The following TMEM108 variants were observed in gnomAD, a reference collection of about 807,000 sequenced individuals.
TMEM108 encodes cancer/testis antigen 124.
Under a neutral mutation model 35.1 loss-of-function variants are expected in TMEM108, and 12 were observed. The ratio of observed to expected loss-of-function variants is 0.34; its 90% CI spans 0.22 to 0.55. TMEM108 has a LOEUF of 0.55. TMEM108 is among the 20% of genes least tolerant of loss of function. TMEM108 has a pLI of 0.89. For synonymous variants in TMEM108, 287 were observed against 308.6 expected (o/e 0.93, Z 0.73); for missense variants, 680 against 753.3 (o/e 0.90, Z 1.14).
Position 133,252,363 on chromosome 3 carries a change from T to TCCAG in TMEM108, c.40+23013_40+23016dup, listed in dbSNP as rs527911079. Among the ~76,000 whole-genome samples, 1,174 of 152,270 alleles carry TCCAG rather than the reference T, an allele frequency of 7.7e-3. 9 individuals carry two copies. The highest frequency in any genetic ancestry group is 0.012 in the Non-Finnish European group (793 of 67,992). ...ATTCTAAGCTGTATAAATTGTGTCC[T>TCCAG]CCAGGTGTTGTGTGGCTAATATGTA... On this transcript the variant is annotated intron_variant, in intron 3 of 5. Coordinates refer to ENST00000321871, the MANE Select transcript of TMEM108 (RefSeq NM_023943.4).
chr3:133,353,225 A>G (rs141722203), intron 3 of TMEM108, among the ~76,000 whole-genome samples: 5 of 152,294 alleles, frequency 3.3e-5, no homozygotes, highest in African/African-American at 9.6e-5. Context: ...GCTAGAGACA[A>G]AGATGTTTTC....
chr3:133,057,636 C>T (rs1943486815), intron 2 of TMEM108, among the ~76,000 whole-genome samples: 1 of 151,152 alleles, frequency 6.6e-6, no homozygotes, highest in Non-Finnish European at 1.5e-5. Flanking sequence ...ATTTTGTGGT[C>T]ATGTGTGTTT....
At chr3:133,192,925 C>CGCGTGTGTGCGTGT (rs758320351) in intron 2 of TMEM108, 17 of 143,556 alleles carry the variant, frequency 1.2e-4, no homozygotes, top group African/African-American at 4.3e-4. Flanking sequence ...TGTGTGTGTG[C>CGCGTGTGTGCGTGT]GCGTGTGTGC....
At chr3:133,255,371 A>C (rs1216797014) in intron 3 of TMEM108, among the ~76,000 whole-genome samples, 2 of 152,246 alleles carry the variant, frequency 1.3e-5, no homozygotes, top group African/African-American at 4.8e-5. Flanking sequence ...AAAATTAAAA[A>C]CATGTAATTA....
intron 3 of TMEM108, among the ~76,000 whole-genome samples, chr3:133,337,833 A>G (rs1156415394): frequency 1.3e-5 from 2 of 152,184 alleles, no homozygotes; most frequent in Non-Finnish European, 2.9e-5. Flanking sequence ...TCAGAATTGT[A>G]TCAGATAAAT....
intron 2 of TMEM108, among the ~76,000 whole-genome samples, chr3:133,104,750 C>T (rs958640733): frequency 3.3e-5 from 5 of 152,194 alleles, no homozygotes; most frequent in African/African-American, 7.2e-5. Flanking sequence ...TCAGTGTTCT[C>T]TAGCACCTCA....
intron 2 of TMEM108, among the ~76,000 whole-genome samples, chr3:133,124,055 G>T (rs1576330939): frequency 6.6e-6 from 1 of 152,136 alleles, no homozygotes; most frequent in African/African-American, 2.4e-5. Flanking sequence ...TCAATAAACT[G>T]TTTATTCATT....
At chr3:133,150,342 G>GTTTTTTTTT (rs10663538) in intron 2 of TMEM108, among the ~76,000 whole-genome samples, 12 of 109,694 alleles carry the variant, frequency 1.1e-4, no homozygotes, top group African/African-American at 2.2e-4. Context: ...AGGTTATTTG[G>GTTTTTTTTT]TTTTTTTTTT....
chr3:133,176,850 C>G (rs1945239044), intron 2 of TMEM108, among the ~76,000 whole-genome samples: 1 of 151,864 alleles, frequency 6.6e-6, no homozygotes, highest in South Asian at 2.1e-4. Flanking sequence ...ACACAAAAAA[C>G]CCTTCAAAAA....
At chr3:133,389,789 A>G (rs76206060) in intron 4 of TMEM108, 1,596 of 158,940 alleles carry the variant, frequency 0.01, 33 homozygotes, top group African/African-American at 0.036. Context: ...CAGTTTTCCT[A>G]TCTGTAAAAT....
chr3:133,394,848 A>G (rs369485405), intron 5 of TMEM108, among the ~76,000 whole-genome samples: 2 of 152,218 alleles, frequency 1.3e-5, no homozygotes, highest in Non-Finnish European at 2.9e-5. Flanking sequence ...AGTATCTGTT[A>G]TGTATGTTTT....
In TMEM108 at chr3:133,299,878, C is replaced by T. The variant is rs115613249; in HGVS notation, c.40+70527C>T. On this transcript the variant is annotated intron_variant, in intron 3 of 5. Transcript: ENST00000321871. ...ATGTAATTACCATATCCCATTAGCA[C>T]ATTTTATTAAAACAGTCTTCCTATC... Among the ~76,000 whole-genome samples, 762 of 152,210 alleles carry T rather than the reference C, an allele frequency of 5.0e-3. 8 individuals carry two copies. Among genetic ancestry groups the T allele is most frequent in the African/African-American group, 0.017 (712 of 41,494 alleles).
chr3:133,238,854 A>G (rs1946275161), intron 3 of TMEM108, among the ~76,000 whole-genome samples: 1 of 152,232 alleles, frequency 6.6e-6, no homozygotes, highest in Non-Finnish European at 1.5e-5. Flanking sequence ...TGTTACAGAC[A>G]ATCATACAGA....
At chr3:133,280,519 T>A (rs1034475935) in intron 3 of TMEM108, among the ~76,000 whole-genome samples, 1 of 152,242 alleles carries the variant, frequency 6.6e-6, no homozygotes, top group Non-Finnish European at 1.5e-5. Flanking sequence ...TCATTACTCA[T>A]GTAGATAATG....
At chr3:133,311,647 T>C (rs2071130062) in intron 3 of TMEM108, among the ~76,000 whole-genome samples, 1 of 152,222 alleles carries the variant, frequency 6.6e-6, no homozygotes, top group Non-Finnish European at 1.5e-5. Flanking sequence ...TTCCTTCGAA[T>C]GGGTTAGAAC....
chr3:133,243,168 C>G (rs868707331), intron 3 of TMEM108, among the ~76,000 whole-genome samples: 1 of 152,002 alleles, frequency 6.6e-6, no homozygotes, highest in Non-Finnish European at 1.5e-5. Context: ...GTTGCTGGCC[C>G]GGAGGTCACT....
At chr3:133,351,411 G>A (rs1164807463) in intron 3 of TMEM108, among the ~76,000 whole-genome samples, 1 of 151,990 alleles carries the variant, frequency 6.6e-6, no homozygotes, top group Non-Finnish European at 1.5e-5. Context: ...CACATCCTGG[G>A]TGGCCTCTCC....
At position 133,380,206 on chromosome 3, in the gene TMEM108, C is replaced by T. The variant is rs1191501137; in HGVS notation, c.495C>T (p.Pro165=). 6.2e-7 allele frequency: 1 copy of T among 1,611,234 alleles called. No individual in the cohort carries two copies. The highest frequency in any genetic ancestry group is 1.3e-5 in the African/African-American group (1 of 74,816). ...TAPPRTTTRR[P]PRPPGSSRKG... is the part of the protein sequence containing the mutation. ...CCCCCCGCACTACCACACGCAGGCC[C>T]CCCAGGCCCCCAGGCTCTTCCCGAA... The change falls in exon 4 of 6, where the codon CCC becomes CCT. Residue 165 remains proline, a synonymous_variant. Transcript: ENST00000321871. The surrounding 1 kb of genome is among the most constrained non-coding windows in gnomAD (Gnocchi z 5.3).
At chr3:133,157,150 T>C (rs1944893613) in intron 2 of TMEM108, among the ~76,000 whole-genome samples, 1 of 152,220 alleles carries the variant, frequency 6.6e-6, no homozygotes, top group Non-Finnish European at 1.5e-5. Context: ...GTCTGCTGCA[T>C]GTTAGATTTG....
Sources: allele counts gnomAD v4.1 joint callset (sites outside exome capture counted in the v4.1 genomes callset), GRCh38; gene constraint gnomAD v4.1.1; non-coding constraint Gnocchi (gnomAD v3.1); transcripts MANE v1.5; gene names NCBI Gene and HGNC (gene_info 2026-07-23, HGNC 2026-07-21).